PRKAR2A: variants seen among roughly 807,000 people sequenced by gnomAD.
PRKAR2A encodes the protein cAMP-dependent protein kinase type II-alpha regulatory subunit.
In PRKAR2A, 29 loss-of-function variants were observed where a neutral mutation model predicts 51.9. The ratio of observed to expected loss-of-function variants is 0.56; its 90% CI spans 0.42 to 0.76. The LOEUF (loss-of-function observed/expected upper bound fraction) is 0.76. Among genes scored for constraint, PRKAR2A ranks in the 30% least tolerant of loss-of-function variants. The pLI is 0.00. For synonymous variants in PRKAR2A, 178 were observed against 186.2 expected (o/e 0.96, Z 0.36); for missense variants, 445 against 512.1 (o/e 0.87, Z 1.26).
At chr3:48,831,441 A>T (rs2083186467) in intron 1 of PRKAR2A, among the ~76,000 whole-genome samples, 1 of 141,108 alleles carries the variant, frequency 7.1e-6, no homozygotes, top group African/African-American at 2.7e-5. Context: ...ATCACGGCTC[A>T]CTGTAGCATT....
chr3:48,770,432 C>T (rs906730117), intron 6 of PRKAR2A, among the ~76,000 whole-genome samples: 3 of 152,146 alleles, frequency 2.0e-5, no homozygotes, highest in Non-Finnish European at 4.4e-5. Flanking sequence ...TAGGATCCAA[C>T]TTGAAAAACT....
chr3:48,818,230 G>C (rs2082903746), intron 1 of PRKAR2A, among the ~76,000 whole-genome samples: 2 of 152,128 alleles, frequency 1.3e-5, no homozygotes, highest in Admixed American at 1.3e-4. Flanking sequence ...CCTGTTAAAA[G>C]CAAAAATCAG....
In PRKAR2A at chr3:48,747,022, G is replaced by A. The variant is rs2081569787; in HGVS notation, c.*4563C>T. 2 of 148,830 alleles carry A rather than the reference G, an allele frequency of 1.3e-5. No individual in the cohort carries two copies. Among genetic ancestry groups the A allele is most frequent in the Admixed American group, 6.7e-5 (1 of 14,836 alleles). The allele number at this position is 148,830 out of a possible 1,614,324, so 9.2% of individuals were successfully genotyped here. On this transcript the variant is annotated 3_prime_UTR_variant, in exon 11 of 11. Coordinates refer to ENST00000265563, the MANE Select transcript of PRKAR2A (RefSeq NM_004157.4). ...GGTTTTACGCAAACCCCTCCATGAG[G>A]TTAGTGACAGTTCTTGTCCTTTTTT...
intron 2 of PRKAR2A, among the ~76,000 whole-genome samples, chr3:48,796,519 G>A (rs928921027): frequency 5.9e-5 from 9 of 152,086 alleles, no homozygotes; most frequent in African/African-American, 2.2e-4. Context: ...TCCCAAGACA[G>A]AGCTTCACGC....
intron 1 of PRKAR2A, among the ~76,000 whole-genome samples, chr3:48,816,018 CAAAAAAA>C (rs748275352): frequency 5.8e-5 from 3 of 51,676 alleles, no homozygotes; most frequent in African/African-American, 1.6e-4. Context: ...GACTCCATCT[CAAAAAAA>C]AAAAAAAAAA....
Position 48,847,292 on chromosome 3 carries a change from G to A in PRKAR2A, c.262+43C>T, listed in dbSNP as rs760937579. 7 of 1,604,168 alleles carry A rather than the reference G, an allele frequency of 4.4e-6. No individual in the cohort carries two copies. The South Asian group carries it at 5.5e-5, about 13-fold the overall frequency. ...TCCCTGCCACCCCTCTAGACCTCTG[G>A]AGACCTCCTGCACCACTCCCCAGGG... On this transcript the variant is annotated intron_variant, in intron 1 of 10. Transcript: ENST00000265563. The surrounding 1 kb of genome is among the most constrained non-coding windows in gnomAD (Gnocchi z 4.4).
At chr3:48,798,515 T>C (rs2082533846) in intron 2 of PRKAR2A, among the ~76,000 whole-genome samples, 2 of 152,172 alleles carry the variant, frequency 1.3e-5, no homozygotes. Flanking sequence ...CTTAATTCAG[T>C]GTATTCCAAT....
At chr3:48,809,362 G>A (rs879018538) in intron 1 of PRKAR2A, among the ~76,000 whole-genome samples, 8 of 151,936 alleles carry the variant, frequency 5.3e-5, no homozygotes, top group East Asian at 1.9e-4. Flanking sequence ...AGGCCGAGGC[G>A]GCTGGATCAT....
rs760885038 is a variant in PRKAR2A, at chr3:48,783,040, T to G, written c.488A>C (p.Asp163Ala). The G allele has an allele frequency of 6.2e-7, 1 of 1,613,960 alleles. No homozygotes were observed. Among genetic ancestry groups the G allele is most frequent in the Non-Finnish European group, 8.5e-7 (1 of 1,179,986 alleles). The change falls in exon 5 of 11, where the codon GAT becomes GCT. Residue 163 changes from aspartate to alanine, a missense_variant. Asp to Ala is a moderately radical substitution (Grantham distance 126). Transcript: ENST00000265563. ...ATCTCCTTGGTCAATGACATGCTCATCAGCTTTGACTATCCTTTCAAACAT... is the reference window on the plus strand; with the variant it reads ...ATCTCCTTGGTCAATGACATGCTCAGCAGCTTTGACTATCCTTTCAAACAT... The part of the protein sequence containing the change: ...DAMFERIVKA[D>A]EHVIDQGDDG...
At chr3:48,767,470 C>T (rs2081957897) in intron 6 of PRKAR2A, among the ~76,000 whole-genome samples, 1 of 151,596 alleles carries the variant, frequency 6.6e-6, no homozygotes, top group Non-Finnish European at 1.5e-5. Context: ...CAGAGCGAGA[C>T]CCTGCCTCGA....
chr3:48,759,928 T>C (rs1390320667), intron 8 of PRKAR2A, among the ~76,000 whole-genome samples: 3 of 152,212 alleles, frequency 2.0e-5, no homozygotes, highest in South Asian at 2.1e-4. Flanking sequence ...TTTAATGCAA[T>C]GGTACTTTAA....
intron 1 of PRKAR2A, among the ~76,000 whole-genome samples, chr3:48,808,222 TA>T (rs1053309769): frequency 4.0e-5 from 6 of 151,756 alleles, no homozygotes; most frequent in Non-Finnish European, 7.4e-5. Flanking sequence ...TATATTTTTG[TA>T]TTTTTTAAGA....
At chr3:48,745,244 T>G (rs1435944116), downstream of PRKAR2A, among the ~76,000 whole-genome samples, 4 of 151,654 alleles carry the variant, frequency 2.6e-5, no homozygotes, top group Non-Finnish European at 4.4e-5. Flanking sequence ...GGTCTTACTA[T>G]GTTGCCCAGG....
At chr3:48,845,437 T>C (rs181983895) in intron 1 of PRKAR2A, among the ~76,000 whole-genome samples, 1 of 152,210 alleles carries the variant, frequency 6.6e-6, no homozygotes, top group African/African-American at 2.4e-5. Context: ...ACTTGAATAC[T>C]GGGCCAGACC....
At position 48,794,921 on chromosome 3, in the gene PRKAR2A, G is replaced by A. The variant is rs191620163; in HGVS notation, c.299-872C>T. 4.3e-4 allele frequency among the ~76,000 whole-genome samples: 66 copies of A among 151,988 alleles called. 1 individual carries two copies. Among genetic ancestry groups the A allele is most frequent in the Middle Eastern group, 6.8e-3 (2 of 294 alleles). ...GAAAGTAATGAAATTATTTTCTAGT[G>A]TATAGAAAGAAACAGGAAAGAAGGG... On this transcript the variant is annotated intron_variant, in intron 2 of 10. Transcript: ENST00000265563.
intron 4 of PRKAR2A, among the ~76,000 whole-genome samples, chr3:48,786,523 C>T (rs569530196): frequency 4.0e-5 from 6 of 149,812 alleles, no homozygotes; most frequent in East Asian, 2.0e-4. Context: ...GGGGGCCGGG[C>T]GCGGTGGCTC....
intron 5 of PRKAR2A, among the ~76,000 whole-genome samples, chr3:48,782,030 T>C (rs2082205460): frequency 6.6e-6 from 1 of 152,202 alleles, no homozygotes; most frequent in South Asian, 2.1e-4. Flanking sequence ...TTCCTTTTTA[T>C]TATCTAGCTC....
At chr3:48,754,007 C>T (rs1449364260) in intron 9 of PRKAR2A, among the ~76,000 whole-genome samples, 1 of 148,498 alleles carries the variant, frequency 6.7e-6, no homozygotes, top group African/African-American at 2.5e-5. Flanking sequence ...ATGCCATTCT[C>T]CTGCCTCAGC....
intron 1 of PRKAR2A, among the ~76,000 whole-genome samples, chr3:48,829,024 C>T (rs922400647): frequency 4.6e-5 from 7 of 151,558 alleles, no homozygotes; most frequent in African/African-American, 1.2e-4. Context: ...TTGGTAGAGA[C>T]GGGGTTTCAC....
Sources: allele counts gnomAD v4.1 joint callset (sites outside exome capture counted in the v4.1 genomes callset), GRCh38; gene constraint gnomAD v4.1.1; non-coding constraint Gnocchi (gnomAD v3.1); transcripts MANE v1.5; gene names NCBI Gene and HGNC (gene_info 2026-07-23, HGNC 2026-07-21).